Variants in TMEM175 observed in about 807,000 individuals in gnomAD.
TMEM175 encodes the protein transmembrane protein 175.
A neutral mutation model predicts 36.5 loss-of-function variants in TMEM175; 36 were observed. That is an observed-to-expected ratio of 0.99 (90% CI 0.76 to 1.30). TMEM175 has a LOEUF of 1.30. Among genes scored for constraint, TMEM175 ranks in the 50% most tolerant of loss-of-function variants. TMEM175 has a pLI of 0.00. For missense variants in TMEM175, 705 were observed against 692.8 expected (o/e 1.02, Z -0.20); for synonymous variants, 339 against 313.4 (o/e 1.08, Z -0.86).
At chr4:940,556 T>A (rs965565708) in intron 1 of TMEM175, among the ~76,000 whole-genome samples, 1 of 152,112 alleles carries the variant, frequency 6.6e-6, no homozygotes. Context: ...TATGATACTG[T>A]TTTGGTGAAA....
chr4:936,963 A>C (rs1401629843), intron 1 of TMEM175, among the ~76,000 whole-genome samples: 1 of 152,156 alleles, frequency 6.6e-6, no homozygotes, highest in Non-Finnish European at 1.5e-5. Context: ...CTCAAAAAAA[A>C]AAAGAGAAAT....
At chr4:944,521 G>T (rs1191625261) in intron 1 of TMEM175, among the ~76,000 whole-genome samples, 1 of 152,090 alleles carries the variant, frequency 6.6e-6, no homozygotes, top group East Asian at 1.9e-4. Context: ...TCCCTGCCTG[G>T]GTTGCTGCAG....
intron 1 of TMEM175, among the ~76,000 whole-genome samples, chr4:938,069 C>G (rs1726997875): frequency 6.6e-6 from 1 of 151,740 alleles, no homozygotes; most frequent in Non-Finnish European, 1.5e-5. Context: ...TGTGAAAAAC[C>G]TGCAGCTAGC....
rs1379123544 is a variant in TMEM175 at position 958,265 on chromosome 4, T to G, written c.1284T>G (p.Cys428Trp). The G allele has an allele frequency of 1.2e-6, 2 of 1,606,266 alleles. No homozygotes were observed. Among genetic ancestry groups the G allele is most frequent in the South Asian group, 2.2e-5 (2 of 91,082 alleles). The change falls in exon 11 of 11, where the codon TGT (cysteine) becomes TGG (tryptophan). Residue 428 changes from cysteine to tryptophan, a missense_variant. Cys to Trp is a radical substitution (Grantham distance 215, BLOSUM62 -2). Coordinates refer to ENST00000264771, the MANE Select transcript of TMEM175 (RefSeq NM_032326.4). ...TCGCCAAGCTGGCGCTGTACCCCTG[T>G]GCCAGCCTGCTGGCCTTCGCCTCCA... Reference protein sequence around the residue: ...LMFAKLALYPCASLLAFASTC... With the variant: ...LMFAKLALYPWASLLAFASTC...
rs147772555 is a variant in TMEM175, at chr4:955,781, G to T, written c.733G>T (p.Val245Leu). 5.6e-6 allele frequency: 9 copies of T among 1,613,640 alleles called. No individual in the cohort carries two copies. Among genetic ancestry groups the T allele is most frequent in the Non-Finnish European group, 6.8e-6 (8 of 1,179,946 alleles). ...LGHREPSAHPVEVFSFDLHEP... is the reference protein window; with the variant it reads ...LGHREPSAHPLEVFSFDLHEP... ...CCACAGGGAGCCCTCGGCTCACCCA[G>T]TGGAAGTCTTCTCGTTTGACCTCCA... Residue 245 changes from valine (V) to leucine (L), a missense_variant, in exon 10 of 11, where the codon GTG becomes TTG. Val to Leu is a conservative substitution (Grantham distance 32, BLOSUM62 1). Transcript: ENST00000264771.
At chr4:940,448 C>CAAAAAAAAA (rs397879918) in intron 1 of TMEM175, among the ~76,000 whole-genome samples, 1 of 91,372 alleles carries the variant, frequency 1.1e-5, no homozygotes, top group Non-Finnish European at 2.1e-5. Context: ...AACTCGATCT[C>CAAAAAAAAA]AAAAAAAAAA....
chr4:948,801 C>T (rs746082069), intron 3 of TMEM175, among the ~76,000 whole-genome samples: 1 of 152,244 alleles, frequency 6.6e-6, no homozygotes, highest in East Asian at 1.9e-4. Context: ...GCAGTGACCA[C>T]GTAGCCCTTC....
At chr4:945,505 C>G (rs545627043) in intron 1 of TMEM175, among the ~76,000 whole-genome samples, 1 of 152,306 alleles carries the variant, frequency 6.6e-6, no homozygotes, top group East Asian at 1.9e-4. Context: ...TGCACCTCCC[C>G]GATCTCCCTG....
rs746838209 is a variant in TMEM175 at position 958,536 on chromosome 4, G to A, written c.*40G>A. ...ACTCCCAGCCGTCCTCACCAGAGAT[G>A]GACCAGGGAGGACAGGATGCTGGGC... On this transcript the variant is annotated 3_prime_UTR_variant, in exon 11 of 11. Transcript: ENST00000264771. The A allele has an allele frequency of 2.5e-5, 35 of 1,426,296 alleles. 1 individual carries two copies. The highest frequency in any genetic ancestry group is 2.9e-5 in the Non-Finnish European group (31 of 1,082,548). The allele number at this position is 1,426,296 out of a possible 1,614,324, so 88.4% of individuals were successfully genotyped here.
chr4:932,469 G>A lies in TMEM175; in HGVS notation c.-103G>A. 2.0e-6 allele frequency: 1 copy of A among 495,942 alleles called. No individual in the cohort carries two copies. The highest frequency in any genetic ancestry group is 2.0e-5 in the African/African-American group (1 of 49,382). The allele number at this position is 495,942 out of a possible 1,614,324, so 30.7% of individuals were successfully genotyped here. The stretch of plus-strand genomic sequence containing the variant: ...TCGCCGGGCTTGCGATGAACTTCCG[G>A]CTGTCAAGCTCCCGGCCGGGCTGAC... On this transcript the variant is annotated 5_prime_UTR_variant, in exon 1 of 11. Transcript: ENST00000264771. This position sits in a 1 kb window ranked among gnomAD's most constrained non-coding sequence, Gnocchi z 4.0.
Position 950,920 on chromosome 4 carries a change from TGGTGTGGATGGTGCAATAGGTGGA to T in TMEM175, c.291-273_291-250del, listed in dbSNP as rs1277504385. On this transcript the variant is annotated intron_variant, in intron 4 of 10. Transcript: ENST00000264771. ...TAGGTGGAGGTGTGGATGGTGTGGA[TGGTGTGGATGGTGCAATAGGTGGA>T]GGTGTGGATGGTGTGGATGGTGCAG... 7.6e-3 allele frequency among the ~76,000 whole-genome samples: 1,075 copies of T among 142,086 alleles called. 12 individuals are homozygous for T. The highest frequency in any genetic ancestry group is 0.027 in the African/African-American group (1,007 of 36,990). 93.2% of individuals were successfully genotyped at this position (142,086 alleles called of 152,430 possible). A position where few individuals can be genotyped will look rare whatever the true frequency, so the allele number is the denominator to read the frequency against.
At chr4:936,685 G>T (rs1325888316) in intron 1 of TMEM175, among the ~76,000 whole-genome samples, 1 of 152,220 alleles carries the variant, frequency 6.6e-6, no homozygotes, top group Non-Finnish European at 1.5e-5. Context: ...GCCCGGCGCG[G>T]TGGCTCACGC....
chr4:942,256 G>C (rs939511468), intron 1 of TMEM175, among the ~76,000 whole-genome samples: 1 of 151,866 alleles, frequency 6.6e-6, no homozygotes. Flanking sequence ...TAGTAGAGAC[G>C]AGGTTTCACC....
At chr4:934,438 T>C (rs1429019331) in intron 1 of TMEM175, among the ~76,000 whole-genome samples, 4 of 151,220 alleles carry the variant, frequency 2.6e-5, no homozygotes, top group Middle Eastern at 3.4e-3. Context: ...GAAAAAGAAA[T>C]GGAAGATATG....
At chr4:956,069 C>A in intron 10 of TMEM175, 179 bp downstream of exon 10, 2 of 832,612 alleles carry the variant, frequency 2.4e-6, no homozygotes, top group Non-Finnish European at 3.6e-6. Flanking sequence ...ACCTTCCCGG[C>A]GGCCCCTCCC....
intron 1 of TMEM175, among the ~76,000 whole-genome samples, chr4:939,522 C>T (rs1464635244): frequency 6.6e-6 from 1 of 152,140 alleles, no homozygotes; most frequent in Non-Finnish European, 1.5e-5. Context: ...TCGAGACCAG[C>T]CTGACCAACA....
At chr4:948,582 C>T in intron 3 of TMEM175, 2 of 1,313,408 alleles carry the variant, frequency 1.5e-6, no homozygotes, top group Non-Finnish European at 2.0e-6. Context: ...TCAGCGGGGA[C>T]ACTCCCACCC....
chr4:952,697 C>CTGTG (rs147503527), intron 7 of TMEM175, among the ~76,000 whole-genome samples: 5 of 98,552 alleles, frequency 5.1e-5, no homozygotes, highest in Admixed American at 3.2e-4. Context: ...GTCCTGTGCT[C>CTGTG]TGTGTGTGTG....
At chr4:944,064 A>G (rs964295030) in intron 1 of TMEM175, among the ~76,000 whole-genome samples, 18 of 152,186 alleles carry the variant, frequency 1.2e-4, no homozygotes, top group Admixed American at 5.2e-4. Context: ...AGGCCAAGGT[A>G]GGTGGATCAC....
Sources: gnomAD v4.1 joint callset for allele counts (sites outside exome capture counted in the v4.1 genomes callset) on GRCh38, gnomAD v4.1.1 for gene constraint, Gnocchi (gnomAD v3.1) non-coding constraint, MANE v1.5 for transcripts, NCBI Gene and HGNC (gene_info 2026-07-23, HGNC 2026-07-21) for gene names.